The following RBPJ variants were observed in gnomAD, a reference collection of about 807,000 sequenced individuals.
RBPJ encodes the protein recombination signal binding protein for immunoglobulin kappa J region.
Under a neutral mutation model 67.8 loss-of-function variants are expected in RBPJ, and 9 were observed. That is an observed-to-expected ratio of 0.13 (90% CI 0.08 to 0.23). RBPJ has a LOEUF of 0.23. Among genes scored for constraint, RBPJ ranks in the 10% least tolerant of loss-of-function variants. The pLI is 1.00. For missense variants in RBPJ, 305 were observed against 595.6 expected, an observed-to-expected ratio of 0.51 and a Z score of 5.08; for synonymous variants, 198 against 203.3, an observed-to-expected ratio of 0.97 and a Z score of 0.22.
intron 1 of RBPJ, among the ~76,000 whole-genome samples, chr4:26,271,581 C>T (rs1720917857): frequency 1.3e-5 from 2 of 152,016 alleles, no homozygotes; most frequent in Admixed American, 6.6e-5. Context: ...GGATTCATGA[C>T]AACTGAGTTC....
chr4:26,299,403 C>T (rs1361690936), intron 1 of RBPJ, among the ~76,000 whole-genome samples: 1 of 151,998 alleles, frequency 6.6e-6, no homozygotes, highest in Non-Finnish European at 1.5e-5. Flanking sequence ...TATTTTTCTG[C>T]CCTTAAGTAA....
chr4:26,322,123 C>G (rs1279262951), intron 1 of RBPJ: 1 of 152,704 alleles, frequency 6.5e-6, no homozygotes, highest in Non-Finnish European at 1.5e-5. Context: ...CCTCCTGGTT[C>G]CTGACGGCGT....
chr4:26,236,528 G>T (rs565212055), intron 1 of RBPJ, among the ~76,000 whole-genome samples: 1 of 152,272 alleles, frequency 6.6e-6, no homozygotes, highest in African/African-American at 2.4e-5. Context: ...ACTCACATTG[G>T]CTGACAAATT....
At chr4:26,420,240 G>A (rs1384205090) in intron 4 of RBPJ, among the ~76,000 whole-genome samples, 1 of 151,780 alleles carries the variant, frequency 6.6e-6, no homozygotes, top group African/African-American at 2.4e-5. Flanking sequence ...CTGCTGTAAC[G>A]TTGAGTGATA....
intron 1 of RBPJ, among the ~76,000 whole-genome samples, chr4:26,219,748 A>G (rs555646701): frequency 2.0e-5 from 3 of 152,292 alleles, no homozygotes; most frequent in African/African-American, 7.2e-5. Context: ...ATTAACTGGT[A>G]TATGGCAGAG....
At chr4:26,202,665 G>T (rs183324197) in intron 1 of RBPJ, among the ~76,000 whole-genome samples, 1 of 151,838 alleles carries the variant, frequency 6.6e-6, no homozygotes, top group Non-Finnish European at 1.5e-5. Context: ...CCAGCACTTT[G>T]GGGGGGCCAA....
chr4:26,257,486 G>A (rs1406020290), intron 1 of RBPJ, among the ~76,000 whole-genome samples: 2 of 152,290 alleles, frequency 1.3e-5, no homozygotes, highest in Middle Eastern at 3.4e-3. Context: ...AAAATTTGCC[G>A]GGTGTGGTGG....
chr4:26,294,388 C>T (rs746577690), intron 1 of RBPJ, among the ~76,000 whole-genome samples: 3 of 152,158 alleles, frequency 2.0e-5, no homozygotes, highest in Non-Finnish European at 4.4e-5. Context: ...TGAGCCATCA[C>T]GCCCGGCTGG....
intron 2 of RBPJ, among the ~76,000 whole-genome samples, chr4:26,392,903 T>A (rs3109828): frequency 0.7 from 106,819 of 152,150 alleles, 37,798 homozygotes; most frequent in East Asian, 0.84. Context: ...TCTTCTTGGG[T>A]AAATTAAGGT....
chr4:26,397,204 G>A (rs186150101), intron 2 of RBPJ, among the ~76,000 whole-genome samples: 6 of 152,150 alleles, frequency 3.9e-5, no homozygotes, highest in East Asian at 1.9e-4. Context: ...TTTGTAAACC[G>A]TAAGTATTGT....
rs1419521197 is a variant in RBPJ at position 26,415,551 on chromosome 4, G to C, written c.232G>C (p.Gly78Arg). 1.9e-6 allele frequency: 3 copies of C among 1,613,060 alleles called. No homozygotes were observed. The highest frequency in any genetic ancestry group is 4.5e-5 in the East Asian group (2 of 44,852). ...KKKKEQMERD[G>R]CSEQESQPCA... ...AAAAAAAGAACAAATGGAACGCGAT[G>C]GTTGTTCTGAACAAGAGTCTCAACC... The change falls in exon 4 of 11, where the codon GGT becomes CGT. Residue 78 changes from glycine to arginine, a missense_variant. Transcript: ENST00000355476.
intron 1 of RBPJ, among the ~76,000 whole-genome samples, chr4:26,356,079 A>G (rs1471977197): frequency 6.6e-6 from 1 of 152,238 alleles, no homozygotes; most frequent in African/African-American, 2.4e-5. Context: ...AATTTGTTCA[A>G]AAACCACGAG....
At chr4:26,131,124 A>G in the RBPJ span, among the ~76,000 whole-genome samples, 1 of 152,350 alleles carries the variant, frequency 6.6e-6, no homozygotes, top group East Asian at 1.9e-4. Context: ...TCAGAAACGC[A>G]TCATTTACAT....
chr4:26,262,925 A>G (rs1017856223), intron 1 of RBPJ, among the ~76,000 whole-genome samples: 2 of 152,056 alleles, frequency 1.3e-5, no homozygotes, highest in East Asian at 3.9e-4. Context: ...GAATGTTACC[A>G]TTCATTTATG....
the RBPJ span, among the ~76,000 whole-genome samples, chr4:26,110,079 CT>C: frequency 6.6e-6 from 1 of 152,182 alleles, no homozygotes; most frequent in African/African-American, 2.4e-5. The surrounding 1 kb of genome is among the most constrained non-coding windows in gnomAD (Gnocchi z 4.5). Flanking sequence ...AGCTCCTCCC[CT>C]AGTTAAAACT....
chr4:26,297,556 A>T (rs1199775400), intron 1 of RBPJ, among the ~76,000 whole-genome samples: 1 of 152,124 alleles, frequency 6.6e-6, no homozygotes, highest in Admixed American at 6.6e-5. Context: ...TAAGTAGCAG[A>T]GGGTAAAATA....
intron 1 of RBPJ, among the ~76,000 whole-genome samples, chr4:26,289,436 G>A (rs1721594839): frequency 6.9e-6 from 1 of 144,278 alleles, no homozygotes; most frequent in Admixed American, 6.9e-5. Context: ...AATAATTCTA[G>A]GCACCAGAAA....
chr4:26,112,345 G>A, the RBPJ span: 1 of 156,350 alleles, frequency 6.4e-6, no homozygotes, highest in African/African-American at 2.4e-5. Flanking sequence ...AACTGTTCCA[G>A]AAAGAAGCCT....
At chr4:26,231,497 T>G (rs1418251197) in intron 1 of RBPJ, among the ~76,000 whole-genome samples, 1 of 151,290 alleles carries the variant, frequency 6.6e-6, no homozygotes, top group Admixed American at 6.6e-5. Flanking sequence ...CTGCAACCTC[T>G]GCCTCCCAGG....
Sources: allele counts gnomAD v4.1 joint callset (sites outside exome capture counted in the v4.1 genomes callset), GRCh38; gene constraint gnomAD v4.1.1; non-coding constraint Gnocchi (gnomAD v3.1); transcripts MANE v1.5; gene names NCBI Gene and HGNC (gene_info 2026-07-23, HGNC 2026-07-21).